The following HRH1 variants were observed in gnomAD, a reference collection of about 807,000 sequenced individuals.
HRH1 encodes the protein histamine H1 receptor.
Under a neutral mutation model 10.3 loss-of-function variants are expected in HRH1, and 6 were observed. The ratio of observed to expected loss-of-function variants is 0.58; its 90% confidence interval spans 0.32 to 1.15. The LOEUF is 1.15. Among genes scored for constraint, HRH1 ranks in the 50% most tolerant of loss-of-function variants. The pLI, the probability that HRH1 is intolerant of heterozygous loss-of-function variation, is 0.05. For synonymous variants in HRH1, 242 were observed against 236.7 expected, an observed-to-expected ratio of 1.02 and a Z score of -0.21; for missense variants, 514 against 615.3, an observed-to-expected ratio of 0.84 and a Z score of 1.74.
intron 1 of HRH1, among the ~76,000 whole-genome samples, chr3:11,202,434 A>ATAAATAAATAATTAAT (rs1314713595): frequency 2.0e-4 from 29 of 148,418 alleles, no homozygotes; most frequent in African/African-American, 6.7e-4. Context: ...AAATAAATAA[A>ATAAATAAATAATTAAT]TAATTAATTA....
intron 1 of HRH1, among the ~76,000 whole-genome samples, chr3:11,250,124 G>A (rs1285175281): frequency 7.0e-6 from 1 of 143,574 alleles, no homozygotes; most frequent in Non-Finnish European, 1.5e-5. Flanking sequence ...CTCACTGCAG[G>A]CTCCGACTCC....
At chr3:11,237,247 ATG>A (rs1478315643) in intron 1 of HRH1, among the ~76,000 whole-genome samples, 2 of 152,204 alleles carry the variant, frequency 1.3e-5, no homozygotes, top group Non-Finnish European at 2.9e-5. Context: ...AAAGAGGATG[ATG>A]TATTCACTGT....
chr3:11,165,869 C>A (rs1324121989), intron 1 of HRH1, among the ~76,000 whole-genome samples: 2 of 152,178 alleles, frequency 1.3e-5, no homozygotes, highest in Admixed American at 1.3e-4. Context: ...ATATTGCCCT[C>A]CCGAGTTTTC....
chr3:11,175,906 C>T (rs554950969), intron 1 of HRH1, among the ~76,000 whole-genome samples: 1 of 152,256 alleles, frequency 6.6e-6, no homozygotes, highest in East Asian at 1.9e-4. Context: ...CGCCTGTAAT[C>T]CTAGCACTTT....
intron 1 of HRH1, among the ~76,000 whole-genome samples, chr3:11,165,771 G>T (rs1469158168): frequency 6.6e-6 from 1 of 152,196 alleles, no homozygotes; most frequent in East Asian, 1.9e-4. Flanking sequence ...CCCAGACACA[G>T]AGCTGTGTGT....
chr3:11,191,005 A>G (rs1295920868), intron 1 of HRH1, among the ~76,000 whole-genome samples: 1 of 152,134 alleles, frequency 6.6e-6, no homozygotes, highest in East Asian at 1.9e-4. Flanking sequence ...CGTGGAAGGA[A>G]GAGTTCACAG....
At position 11,154,900 on chromosome 3, in the gene HRH1, C is replaced by A. The variant is rs116355989; in HGVS notation, c.-36+346C>A. 0.025 allele frequency among the ~76,000 whole-genome samples: 3,859 copies of A among 152,278 alleles called. 73 individuals are homozygous for A. Among genetic ancestry groups the A allele is most frequent in the Middle Eastern group, 0.058 (17 of 294 alleles). ...GGGAGCCTCGTTTTCTTTGAGCCTCCCCAGGGTCTGAGTTCGCTGCTAACC... is the reference window on the plus strand; with the variant it reads ...GGGAGCCTCGTTTTCTTTGAGCCTCACCAGGGTCTGAGTTCGCTGCTAACC... On this transcript the variant is annotated intron_variant, in intron 1 of 1. Coordinates refer to ENST00000431010, the MANE Select transcript of HRH1 (RefSeq NM_001098212.2). The surrounding 1 kb of genome is among the most constrained non-coding windows in gnomAD (Gnocchi z 4.4).
At chr3:11,194,340 C>T (rs905690539) in intron 1 of HRH1, among the ~76,000 whole-genome samples, 3 of 152,172 alleles carry the variant, frequency 2.0e-5, no homozygotes, top group African/African-American at 7.2e-5. Flanking sequence ...ATAGGAATAA[C>T]AATTCCCACC....
intron 1 of HRH1, among the ~76,000 whole-genome samples, chr3:11,241,792 C>G (rs998318743): frequency 2.0e-5 from 3 of 150,722 alleles, no homozygotes; most frequent in African/African-American, 7.3e-5. Flanking sequence ...GCCGAGATGG[C>G]GCCACTGCAT....
chr3:11,189,621 C>T (rs191948542), intron 1 of HRH1, among the ~76,000 whole-genome samples: 1 of 152,220 alleles, frequency 6.6e-6, no homozygotes, highest in East Asian at 1.9e-4. Context: ...AAAACACACA[C>T]ATACACTTCT....
At chr3:11,181,911 A>G (rs542892911) in intron 1 of HRH1, among the ~76,000 whole-genome samples, 85 of 150,776 alleles carry the variant, frequency 5.6e-4, no homozygotes, top group Non-Finnish European at 1.0e-3. Context: ...GATTACAGGC[A>G]TGAGCCACCA....
chr3:11,165,976 G>A (rs1057399787), intron 1 of HRH1, among the ~76,000 whole-genome samples: 6 of 152,100 alleles, frequency 3.9e-5, no homozygotes, highest in Admixed American at 2.0e-4. Flanking sequence ...TTGTCGTTTC[G>A]TTTGCTCCCC....
At chr3:11,219,596 C>T (rs1389450542) in intron 1 of HRH1, among the ~76,000 whole-genome samples, 3 of 151,384 alleles carry the variant, frequency 2.0e-5, no homozygotes, top group Admixed American at 6.6e-5. Context: ...GCCTGCAGTC[C>T]TAGCTACTTG....
At chr3:11,258,980 A>C in intron 1 of HRH1, 23 bp from the exon 2 acceptor site, 1 of 1,520,756 alleles carries the variant, frequency 6.6e-7, no homozygotes, top group Non-Finnish European at 8.8e-7. Flanking sequence ...CTCTGACCTT[A>C]CTTTTTCTCT....
chr3:11,167,454 C>T (rs1376681530), intron 1 of HRH1, among the ~76,000 whole-genome samples: 10 of 77,622 alleles, frequency 1.3e-4, no homozygotes, highest in South Asian at 1.1e-3. Flanking sequence ...GTCCCCTGGC[C>T]TCTCCAGGCC....
At chr3:11,236,044 A>G (rs1030732170) in intron 1 of HRH1, among the ~76,000 whole-genome samples, 2 of 152,220 alleles carry the variant, frequency 1.3e-5, no homozygotes, top group Non-Finnish European at 2.9e-5. Context: ...TCCACCTGTC[A>G]GAGTCTTCTT....
At position 11,145,642 on chromosome 3, in the gene HRH1, T is replaced by C. The variant is rs150549838; in HGVS notation, c.-36+8243T>C. ...TGGTAAAATGTACAAATAATAAATG[T>C]AAAGTTCAATGAATTTTTGCCTGTC... On this transcript the variant is annotated intron_variant, in intron 1 of 1. Transcript: ENST00000438284. Among the ~76,000 whole-genome samples the C allele has an allele frequency of 8.2e-3, 1,246 of 152,292 alleles. 19 individuals carry two copies. Among genetic ancestry groups the C allele is most frequent in the African/African-American group, 0.029 (1,199 of 41,558 alleles).
intron 1 of HRH1, among the ~76,000 whole-genome samples, chr3:11,235,730 G>C (rs1939164753): frequency 6.6e-6 from 1 of 152,216 alleles, no homozygotes; most frequent in Non-Finnish European, 1.5e-5. Context: ...TGGAAGTCTT[G>C]GCTGCCCTCC....
chr3:11,242,908 G>A (rs1231113955), intron 1 of HRH1, among the ~76,000 whole-genome samples: 1 of 151,342 alleles, frequency 6.6e-6, no homozygotes, highest in East Asian at 1.9e-4. Flanking sequence ...ATTGGTTTGG[G>A]TCTCTCTTTT....
Sources: gnomAD v4.1 joint callset for allele counts (sites outside exome capture counted in the v4.1 genomes callset) on GRCh38, gnomAD v4.1.1 for gene constraint, Gnocchi (gnomAD v3.1) non-coding constraint, MANE v1.5 for transcripts, NCBI Gene and HGNC (gene_info 2026-07-23, HGNC 2026-07-21) for gene names.